The following EPC2 variants were observed in gnomAD, a reference collection of about 807,000 sequenced individuals.
The protein encoded by EPC2 is enhancer of polycomb homolog 2.
Under a neutral mutation model 92.1 loss-of-function variants are expected in EPC2, and 14 were observed. The observed-to-expected ratio is 0.15, with a 90% CI of 0.10 to 0.24. The LOEUF is 0.24. EPC2 is among the 10% of genes least tolerant of loss of function. EPC2 has a pLI of 1.00. For synonymous variants in EPC2, 340 were observed against 334.7 expected (o/e 1.02, Z -0.17); for missense variants, 755 against 971.5 (o/e 0.78, Z 2.96).
At chr2:148,780,720 A>C (rs779842674) in intron 10 of EPC2, among the ~76,000 whole-genome samples, 1 of 152,194 alleles carries the variant, frequency 6.6e-6, no homozygotes, top group Non-Finnish European at 1.5e-5. Flanking sequence ...ATTGGGAGAA[A>C]GGATAGCAAG....
chr2:148,726,009 T>G (rs1185713122), intron 2 of EPC2, among the ~76,000 whole-genome samples: 1 of 152,182 alleles, frequency 6.6e-6, no homozygotes, highest in African/African-American at 2.4e-5. Flanking sequence ...GCTTTTTGTT[T>G]TTAAGAATTT....
chr2:148,752,384 G>A (rs114945299), intron 3 of EPC2, among the ~76,000 whole-genome samples: 3,830 of 152,214 alleles, frequency 0.025, 55 homozygotes, highest in East Asian at 0.032. Flanking sequence ...TTCTACCACT[G>A]TTGTTGTAGA....
intron 13 of EPC2, 146 bp from the exon 14 acceptor site, chr2:148,786,159 A>T (rs1017052028): frequency 1.5e-5 from 9 of 612,178 alleles, no homozygotes; most frequent in African/African-American, 3.8e-5. Context: ...TCTCATTCCT[A>T]TCTAGAAATG....
chr2:148,666,645 C>T (rs768111303), intron 1 of EPC2, among the ~76,000 whole-genome samples: 1 of 152,200 alleles, frequency 6.6e-6, no homozygotes, highest in African/African-American at 2.4e-5. Flanking sequence ...TAGAGAATTG[C>T]AGTCTGAGTA....
At chr2:148,743,860 G>A in intron 3 of EPC2, 93 bp downstream of exon 3, 4 of 1,036,950 alleles carry the variant, frequency 3.9e-6, no homozygotes, top group Non-Finnish European at 5.3e-6. Context: ...CTGTTTCTTG[G>A]ATTTCTTTTC....
intron 4 of EPC2, among the ~76,000 whole-genome samples, chr2:148,758,143 C>T (rs1343469530): frequency 9.2e-6 from 1 of 108,714 alleles, no homozygotes; most frequent in Non-Finnish European, 1.7e-5. Flanking sequence ...TAGAGTAACC[C>T]ATGAGTCCAT....
At chr2:148,762,457 T>A (rs960800352) in intron 5 of EPC2, among the ~76,000 whole-genome samples, 1 of 152,090 alleles carries the variant, frequency 6.6e-6, no homozygotes, top group Non-Finnish European at 1.5e-5. Context: ...GAAATTTGTT[T>A]GCTGTGTACC....
At chr2:148,781,267 A>T (rs1173739223) in intron 10 of EPC2, among the ~76,000 whole-genome samples, 1 of 152,196 alleles carries the variant, frequency 6.6e-6, no homozygotes, top group Non-Finnish European at 1.5e-5. Context: ...TTAAGGCTAT[A>T]ACTTAGTCAT....
chr2:148,693,496 C>T (rs1243879055), intron 2 of EPC2, among the ~76,000 whole-genome samples: 1 of 152,126 alleles, frequency 6.6e-6, no homozygotes, highest in Non-Finnish European at 1.5e-5. Flanking sequence ...CTCCTTTGTG[C>T]CTGTCTAGCC....
chr2:148,708,491 T>C (rs1022862323), intron 2 of EPC2, among the ~76,000 whole-genome samples: 1 of 152,180 alleles, frequency 6.6e-6, no homozygotes, highest in Non-Finnish European at 1.5e-5. Flanking sequence ...CTAACTCATT[T>C]TATGAGGCCA....
At chr2:148,734,853 T>TTGCA (rs1434877605) in intron 2 of EPC2, among the ~76,000 whole-genome samples, 2 of 151,808 alleles carry the variant, frequency 1.3e-5, no homozygotes, top group African/African-American at 2.4e-5. Flanking sequence ...ATCCAAGTTG[T>TTGCA]TGCATGTGTC....
In EPC2 at chr2:148,727,196, C is replaced by A. The variant is rs146317221; in HGVS notation, c.314-16426C>A. ...CATTTATTGAAGAGACTGTCCTTTT[C>A]CCATTGTGTAGTCTTGGTATCCTTG... On this transcript the variant is annotated intron_variant, in intron 2 of 13. Transcript: ENST00000258484. 6.4e-3 allele frequency among the ~76,000 whole-genome samples: 973 copies of A among 152,252 alleles called. 12 individuals carry two copies. Among genetic ancestry groups the A allele is most frequent in the African/African-American group, 0.02 (821 of 41,554 alleles).
chr2:148,739,833 C>CTTTTTTTTTTT (rs144868417), intron 2 of EPC2, among the ~76,000 whole-genome samples: 384 of 81,270 alleles, frequency 4.7e-3, no homozygotes, highest in Non-Finnish European at 5.2e-3. Context: ...TCTTCTTCTT[C>CTTTTTTTTTTT]TTTTTTTTTT....
In EPC2 at chr2:148,748,851, A is replaced by G. The variant is rs140198682; in HGVS notation, c.460-5076A>G. ...ATTTTGGAGCATTTCAGATTTATAG[A>G]TTAGAGCTGCTCAACCTGTATTTGT... On this transcript the variant is annotated intron_variant, in intron 3 of 13. Coordinates refer to ENST00000258484, the MANE Select transcript of EPC2 (RefSeq NM_015630.4). Among the ~76,000 whole-genome samples the G allele has an allele frequency of 7.1e-3, 1,087 of 152,246 alleles. 6 individuals are homozygous for G. The highest frequency in any genetic ancestry group is 0.025 in the African/African-American group (1,023 of 41,552).
At chr2:148,697,816 A>G (rs16829174) in intron 2 of EPC2, among the ~76,000 whole-genome samples, 29,088 of 152,160 alleles carry the variant, frequency 0.19, 3,684 homozygotes, top group East Asian at 0.48. Context: ...AACCCATTCT[A>G]GTGCCTTTGG....
chr2:148,724,012 AT>A (rs1373273990), intron 2 of EPC2, among the ~76,000 whole-genome samples: 27 of 152,114 alleles, frequency 1.8e-4, no homozygotes, highest in Admixed American at 1.8e-3. Context: ...CAGAAAACCC[AT>A]TCAGAGCCAA....
At position 148,771,416 on chromosome 2, in the gene EPC2, C is replaced by A. The variant is rs1397615646; in HGVS notation, c.1720+29C>A. ...AGCTGTTGCTGTGTTAAAAGTATAT[C>A]CTGCTATTCTTTTTTACTTAATTTT... On this transcript the variant is annotated intron_variant, in intron 10 of 13. Transcript: ENST00000258484. 2.0e-6 allele frequency: 3 copies of A among 1,495,204 alleles called. No individual in the cohort carries two copies. In the African/African-American group the frequency reaches 4.2e-5, roughly 21 times the overall value. 92.6% of individuals were successfully genotyped at this position (1,495,204 alleles called of 1,614,324 possible). A position where few individuals can be genotyped will look rare whatever the true frequency, so the allele number is the denominator to read the frequency against.
In EPC2 at chr2:148,767,216, T is replaced by A. The variant is rs983843813; in HGVS notation, c.1141-1935T>A. On this transcript the variant is annotated intron_variant, in intron 7 of 13. Coordinates refer to ENST00000258484, the MANE Select transcript of EPC2 (RefSeq NM_015630.4). ...CTGTTTCAAAAAAAAAAAAAAAAAA[T>A]GAATGATACTGTAGGGTGCTATGAC... Among the ~76,000 whole-genome samples, 26 of 135,908 alleles carry A rather than the reference T, an allele frequency of 1.9e-4. No individual in the cohort carries two copies. The East Asian group carries it at 3.8e-3, about 20-fold the overall frequency. The allele number at this position is 135,908 out of a possible 152,430, so 89.2% of individuals were successfully genotyped here.
At chr2:148,755,806 G>A (rs1683178441) in intron 4 of EPC2, among the ~76,000 whole-genome samples, 1 of 152,148 alleles carries the variant, frequency 6.6e-6, no homozygotes, top group Admixed American at 6.5e-5. Flanking sequence ...TGCCCAGACT[G>A]TTCTTGAACT....
Sources: gnomAD v4.1 joint callset for allele counts (sites outside exome capture counted in the v4.1 genomes callset) on GRCh38, gnomAD v4.1.1 for gene constraint, MANE v1.5 for transcripts, NCBI Gene and HGNC (gene_info 2026-07-23, HGNC 2026-07-21) for gene names.